Variants in CBX2 observed in about 807,000 individuals in gnomAD.
CBX2 encodes the protein chromobox protein homolog 2.
A neutral mutation model predicts 21.0 loss-of-function variants in CBX2; 11 were observed. The ratio of observed to expected loss-of-function variants is 0.52; its 90% CI spans 0.33 to 0.87. CBX2 has a LOEUF of 0.87. CBX2 is among the 40% of genes least tolerant of loss of function. The pLI is 0.02. For missense variants in CBX2, 746 were observed against 724.3 expected, an observed-to-expected ratio of 1.03 and a Z score of -0.34; for synonymous variants, 364 against 304.6, an observed-to-expected ratio of 1.19 and a Z score of -2.03.
In CBX2 at chr17:79,785,234, G is replaced by A; in HGVS notation, c.*192G>A. 1 of 614,316 alleles carries A rather than the reference G, an allele frequency of 1.6e-6. No homozygotes were observed. 38.1% of individuals were successfully genotyped at this position (614,316 alleles called of 1,614,324 possible). The stretch of plus-strand genomic sequence containing the variant: ...TCTGTCCCAGGACATAGGGCAGGGG[G>A]CCTCACTGCCTTGTTGGTCTCCACC... On this transcript the variant is annotated 3_prime_UTR_variant, in exon 5 of 5. Coordinates refer to ENST00000310942, the MANE Select transcript of CBX2 (RefSeq NM_005189.3).
At chr17:79,782,034 G>A (rs782135362) in intron 4 of CBX2, 3 of 1,613,994 alleles carry the variant, frequency 1.9e-6, no homozygotes, top group Admixed American at 1.7e-5. Flanking sequence ...TCCTGCTTCA[G>A]CCTGTCCTGC....
In CBX2 at chr17:79,785,301, C is replaced by G; in HGVS notation, c.*259C>G. Reference sequence around the variant, plus strand: ...AGGCCTCTTTGCTCTCCCCTCTTGCCTCAGGAAACCCGGTGGCACCTGTGG... The same window carrying G: ...AGGCCTCTTTGCTCTCCCCTCTTGCGTCAGGAAACCCGGTGGCACCTGTGG... On this transcript the variant is annotated 3_prime_UTR_variant, in exon 5 of 5. Transcript: ENST00000310942. 3.6e-6 allele frequency: 2 copies of G among 561,682 alleles called. No individual in the cohort carries two copies. Among genetic ancestry groups the G allele is most frequent in the Non-Finnish European group, 6.4e-6 (2 of 312,108 alleles). 34.8% of individuals were successfully genotyped at this position (561,682 alleles called of 1,614,324 possible). A position where few individuals can be genotyped will look rare whatever the true frequency, so the allele number is the denominator to read the frequency against.
rs1287162853 is a variant in CBX2, at chr17:79,782,259, C to T, written c.288+458C>T. Reference sequence around the variant, plus strand: ...ATCGAGGTGGCCACGAAAGGCAGGGCTGACTGAATAGCCAGGGGGTGCCAG... The same window carrying T: ...ATCGAGGTGGCCACGAAAGGCAGGGTTGACTGAATAGCCAGGGGGTGCCAG... On this transcript the variant is annotated intron_variant, in intron 4 of 4. Transcript: ENST00000310942. 8 of 1,562,522 alleles carry T rather than the reference C, an allele frequency of 5.1e-6. No homozygotes were observed. The Admixed American group carries it at 1.1e-4, about 22-fold the overall frequency.
rs117180275 is a variant in CBX2, at chr17:79,787,588, G to A, written c.*2546G>A. 1 of 152,450 alleles carries A rather than the reference G, an allele frequency of 6.6e-6. No homozygotes were observed. Among genetic ancestry groups the A allele is most frequent in the Non-Finnish European group, 1.5e-5 (1 of 68,044 alleles). The allele number at this position is 152,450 out of a possible 1,614,324, so 9.4% of individuals were successfully genotyped here. A position where few individuals can be genotyped will look rare whatever the true frequency, so the allele number is the denominator to read the frequency against. On this transcript the variant is annotated 3_prime_UTR_variant, in exon 5 of 5. Coordinates refer to ENST00000310942, the MANE Select transcript of CBX2 (RefSeq NM_005189.3). The stretch of plus-strand genomic sequence containing the variant: ...TATTTTTATTTGCTGCTATTTGTGT[G>A]TGTGTTTGTGTTTGTGTAGCTAGGT...
intron 4 of CBX2, among the ~76,000 whole-genome samples, chr17:79,783,529 C>A (rs1907391633): frequency 6.6e-6 from 1 of 152,088 alleles, no homozygotes; most frequent in Non-Finnish European, 1.5e-5. Flanking sequence ...CCTGCCTCAG[C>A]CTCTGCAGTA....
chr17:79,782,093 T>G (rs144196180), intron 4 of CBX2: 247 of 1,613,456 alleles, frequency 1.5e-4, no homozygotes, highest in Non-Finnish European at 2.0e-4. Flanking sequence ...ACAAGCACTC[T>G]TCCCTCCCAG....
At chr17:79,781,851 G>A (rs1555830367) in intron 4 of CBX2, 50 bp downstream of exon 4, 21 of 1,614,060 alleles carry the variant, frequency 1.3e-5, no homozygotes, top group Non-Finnish European at 1.7e-5. Context: ...CACCCCCTTG[G>A]CGTAGGGGGC....
At position 79,785,185 on chromosome 17, in the gene CBX2, G is replaced by A. The variant is rs1907550932; in HGVS notation, c.*143G>A. ...GTGGCCTCCTTGATGGGCAGGCTTGGAAGGGACTTCTCCCGCACCCCACTC... is the reference window on the plus strand; with the variant it reads ...GTGGCCTCCTTGATGGGCAGGCTTGAAAGGGACTTCTCCCGCACCCCACTC... On this transcript the variant is annotated 3_prime_UTR_variant, in exon 5 of 5. Transcript: ENST00000310942. 1.4e-6 allele frequency: 1 copy of A among 711,002 alleles called. No individual in the cohort carries two copies. Among genetic ancestry groups the A allele is most frequent in the Admixed American group, 2.1e-5 (1 of 46,896 alleles). 44.0% of individuals were successfully genotyped at this position (711,002 alleles called of 1,614,324 possible). A position where few individuals can be genotyped will look rare whatever the true frequency, so the allele number is the denominator to read the frequency against.
chr17:79,777,955 G>A (rs1906842455), upstream of CBX2, among the ~76,000 whole-genome samples: 1 of 142,014 alleles, frequency 7.0e-6, no homozygotes. Flanking sequence ...GGGGCCCCGC[G>A]CGGGACCCCC....
chr17:79,784,919 C>G lies in CBX2; in HGVS notation c.1476C>G (p.Asp492Glu), dbSNP rs1555831437. The change falls in exon 5 of 5, where the codon GAC becomes GAG. Residue 492 changes from aspartate to glutamate, a missense_variant. Coordinates refer to ENST00000310942, the MANE Select transcript of CBX2 (RefSeq NM_005189.3). The surrounding 1 kb of genome is among the most constrained non-coding windows in gnomAD (Gnocchi z 5.9). The stretch of plus-strand genomic sequence containing the variant: ...CAGTGTCCGTTCAGACCAGCCAGGA[C>G]TGGAAGCCCACCCGCAGCCTCATCG... Reference protein sequence around the residue: ...NPSVSVQTSQDWKPTRSLIEH... With the variant: ...NPSVSVQTSQEWKPTRSLIEH... 15 of 1,613,338 alleles carry G rather than the reference C, an allele frequency of 9.3e-6. No individual in the cohort carries two copies. Among genetic ancestry groups the G allele is most frequent in the Non-Finnish European group, 1.2e-5 (14 of 1,180,050 alleles).
chr17:79,780,586 C>T (rs1907104049), intron 3 of CBX2, among the ~76,000 whole-genome samples: 1 of 152,108 alleles, frequency 6.6e-6, no homozygotes, highest in African/African-American at 2.4e-5. Context: ...TTGGTTAGAG[C>T]AGAAACACCT....
chr17:79,777,339 C>T (rs1906793581), upstream of CBX2, among the ~76,000 whole-genome samples: 1 of 152,200 alleles, frequency 6.6e-6, no homozygotes, highest in Non-Finnish European at 1.5e-5. Flanking sequence ...TGCAAACCGC[C>T]CCCTCCCCCT....
intron 4 of CBX2, chr17:79,782,353 T>G: frequency 6.9e-7 from 1 of 1,452,770 alleles, no homozygotes; most frequent in Non-Finnish European, 9.1e-7. Flanking sequence ...GGGACTGTCC[T>G]GTCACCCCTC....
At position 79,784,028 on chromosome 17, in the gene CBX2, C is replaced by A; in HGVS notation, c.585C>A (p.Ala195=). The change falls in exon 5 of 5, where the codon GCC becomes GCA. Residue 195 remains alanine, a synonymous_variant. Coordinates refer to ENST00000310942, the MANE Select transcript of CBX2 (RefSeq NM_005189.3). This position sits in a 1 kb window ranked among gnomAD's most constrained non-coding sequence, Gnocchi z 5.9. ...AGACCGCCCGGAAGGATCTGGGGGC[C>A]CCGGCCAGCAAGCTGCCCCCTCCAC... ...VLKTARKDLG[A]PASKLPPPLS... The A allele has an allele frequency of 6.2e-7, 1 of 1,613,006 alleles. No homozygotes were observed. Among genetic ancestry groups the A allele is most frequent in the Admixed American group, 1.7e-5 (1 of 60,028 alleles).
At position 79,784,028 on chromosome 17, in the gene CBX2, C is replaced by T. The variant is rs1382533538; in HGVS notation, c.585C>T (p.Ala195=). Reference sequence around the variant, plus strand: ...AGACCGCCCGGAAGGATCTGGGGGCCCCGGCCAGCAAGCTGCCCCCTCCAC... The same window carrying T: ...AGACCGCCCGGAAGGATCTGGGGGCTCCGGCCAGCAAGCTGCCCCCTCCAC... ...VLKTARKDLG[A]PASKLPPPLS... Residue 195 remains alanine (A), a synonymous_variant, in exon 5 of 5, where the codon GCC becomes GCT. Coordinates refer to ENST00000310942, the MANE Select transcript of CBX2 (RefSeq NM_005189.3). The surrounding 1 kb of genome is among the most constrained non-coding windows in gnomAD (Gnocchi z 5.9). 3 of 1,613,006 alleles carry T rather than the reference C, an allele frequency of 1.9e-6. No individual in the cohort carries two copies. Among genetic ancestry groups the T allele is most frequent in the Admixed American group, 1.7e-5 (1 of 60,028 alleles).
At position 79,784,841 on chromosome 17, in the gene CBX2, C is replaced by T; in HGVS notation, c.1398C>T (p.Ser466=). 1 of 1,612,570 alleles carries T rather than the reference C, an allele frequency of 6.2e-7. No individual in the cohort carries two copies. Among genetic ancestry groups the T allele is most frequent in the Non-Finnish European group, 8.5e-7 (1 of 1,179,716 alleles). The change falls in exon 5 of 5, where the codon AGC becomes AGT. Residue 466 remains serine (S), a synonymous_variant. Coordinates refer to ENST00000310942, the MANE Select transcript of CBX2 (RefSeq NM_005189.3). This position sits in a 1 kb window ranked among gnomAD's most constrained non-coding sequence, Gnocchi z 5.9. ...TGAGCGCAGGTGAGGAGAGTAGCAG[C>T]TCGGACTCCGACCCCGACTCCGCCT... The part of the protein sequence containing the change: ...PEMSAGEESS[S]SDSDPDSASP...
At chr17:79,782,067 G>A (rs377145883) in intron 4 of CBX2, 3 of 1,613,824 alleles carry the variant, frequency 1.9e-6, no homozygotes, top group Non-Finnish European at 1.7e-6. Flanking sequence ...TGGGTGGCAG[G>A]GTCAAACTGC....
At position 79,785,314 on chromosome 17, in the gene CBX2, G is replaced by T. The variant is rs1907560165; in HGVS notation, c.*272G>T. The T allele has an allele frequency of 1.8e-6, 1 of 541,720 alleles. No homozygotes were observed. Among genetic ancestry groups the T allele is most frequent in the Non-Finnish European group, 3.3e-6 (1 of 299,054 alleles). The allele number at this position is 541,720 out of a possible 1,614,324, so 33.6% of individuals were successfully genotyped here. A position where few individuals can be genotyped will look rare whatever the true frequency, so the allele number is the denominator to read the frequency against. ...CTCCCCTCTTGCCTCAGGAAACCCG[G>T]TGGCACCTGTGGCTCCAGGTGACTG... On this transcript the variant is annotated 3_prime_UTR_variant, in exon 5 of 5. Coordinates refer to ENST00000310942, the MANE Select transcript of CBX2 (RefSeq NM_005189.3).
intron 4 of CBX2, chr17:79,782,047 G>T: frequency 6.2e-7 from 1 of 1,613,928 alleles, no homozygotes; most frequent in Non-Finnish European, 8.5e-7. Context: ...TGTCCTGCAC[G>T]CCTCTCTGCT....
Sources: gnomAD v4.1 joint callset for allele counts (sites outside exome capture counted in the v4.1 genomes callset) on GRCh38, gnomAD v4.1.1 for gene constraint, Gnocchi (gnomAD v3.1) non-coding constraint, MANE v1.5 for transcripts, NCBI Gene and HGNC (gene_info 2026-07-23, HGNC 2026-07-21) for gene names.